The following RAB39A variants were observed in gnomAD, a reference collection of about 807,000 sequenced individuals.
RAB39A encodes the protein RAB39A, member RAS oncogene family, also known as ras-related protein Rab-39A.
Under a neutral mutation model 20.9 loss-of-function variants are expected in RAB39A, and 17 were observed. The ratio of observed to expected loss-of-function variants is 0.81; its 90% CI spans 0.56 to 1.22. RAB39A has a LOEUF of 1.22. RAB39A is among the 50% of genes most tolerant of loss of function. RAB39A has a pLI of 0.00. For synonymous variants in RAB39A, 99 were observed against 103.4 expected (o/e 0.96, Z 0.26); for missense variants, 234 against 270.5 (o/e 0.87, Z 0.95).
chr11:107,936,917 G>T (rs1861199371), intron 1 of RAB39A, among the ~76,000 whole-genome samples: 1 of 144,596 alleles, frequency 6.9e-6, no homozygotes, highest in South Asian at 2.2e-4. Flanking sequence ...CTGGGTGACA[G>T]AGCGAGACTC....
At chr11:107,953,183 T>TC (rs1469273750) in intron 1 of RAB39A, among the ~76,000 whole-genome samples, 4 of 148,264 alleles carry the variant, frequency 2.7e-5, no homozygotes, top group African/African-American at 5.0e-5. Context: ...TATGTGTGCT[T>TC]CACTGCAGTT....
At chr11:107,934,870 G>A (rs545073535) in intron 1 of RAB39A, among the ~76,000 whole-genome samples, 7 of 150,912 alleles carry the variant, frequency 4.6e-5, no homozygotes, top group African/African-American at 9.8e-5. Context: ...CGGAGGTTGC[G>A]GTGAGCCGAG....
At chr11:107,935,900 C>CTTTTTTTTTTTTTTTTTTTTT (rs561399074) in intron 1 of RAB39A, among the ~76,000 whole-genome samples, 1 of 81,610 alleles carries the variant, frequency 1.2e-5, no homozygotes, top group Non-Finnish European at 2.4e-5. Context: ...GTCCTGGCCA[C>CTTTTTTTTTTTTTTTTTTTTT]TTTTTTTTTT....
intron 1 of RAB39A, among the ~76,000 whole-genome samples, chr11:107,941,751 T>C (rs752825557): frequency 1.3e-5 from 2 of 152,274 alleles, no homozygotes; most frequent in Middle Eastern, 3.4e-3. Flanking sequence ...AGAAAGTCTA[T>C]GGGATTACGA....
At chr11:107,949,754 A>G (rs1034581982) in intron 1 of RAB39A, among the ~76,000 whole-genome samples, 5 of 152,200 alleles carry the variant, frequency 3.3e-5, no homozygotes, top group African/African-American at 4.8e-5. Context: ...AGCTAGAAAC[A>G]TTTCTCATTA....
At chr11:107,934,128 T>C (rs1861168241) in intron 1 of RAB39A, among the ~76,000 whole-genome samples, 1 of 152,156 alleles carries the variant, frequency 6.6e-6, no homozygotes, top group South Asian at 2.1e-4. Context: ...GGGGCTATTT[T>C]TAAAATATGA....
chr11:107,948,910 G>A (rs1482618634), intron 1 of RAB39A, among the ~76,000 whole-genome samples: 2 of 152,154 alleles, frequency 1.3e-5, no homozygotes, highest in Non-Finnish European at 2.9e-5. Flanking sequence ...AGTACGCTAT[G>A]ACTTTCTTTT....
chr11:107,931,459 T>C (rs1024815367), intron 1 of RAB39A, among the ~76,000 whole-genome samples: 1 of 152,236 alleles, frequency 6.6e-6, no homozygotes, highest in Non-Finnish European at 1.5e-5. Context: ...TGTAAATACA[T>C]ACGTATTTCA....
At chr11:107,950,071 T>A (rs1170739108) in intron 1 of RAB39A, among the ~76,000 whole-genome samples, 1 of 151,754 alleles carries the variant, frequency 6.6e-6, no homozygotes, top group Non-Finnish European at 1.5e-5. Flanking sequence ...TCCCAGCTAC[T>A]CGGGAGGCTG....
intron 1 of RAB39A, among the ~76,000 whole-genome samples, chr11:107,930,083 C>A (rs1326867994): frequency 6.6e-6 from 1 of 152,136 alleles, no homozygotes. Flanking sequence ...GATGCTGATT[C>A]ATAGAGATAA....
intron 1 of RAB39A, among the ~76,000 whole-genome samples, chr11:107,954,038 G>T (rs963620): frequency 0.48 from 72,361 of 152,062 alleles, 18,823 homozygotes; most frequent in East Asian, 0.72. Flanking sequence ...GTATAAGGCA[G>T]TCTGCATGTT....
At chr11:107,940,692 G>A (rs1007367746) in intron 1 of RAB39A, among the ~76,000 whole-genome samples, 2 of 152,104 alleles carry the variant, frequency 1.3e-5, no homozygotes, top group African/African-American at 4.8e-5. Flanking sequence ...GACCACCTCG[G>A]CCGGGTGTGG....
intron 1 of RAB39A, among the ~76,000 whole-genome samples, chr11:107,939,377 C>T (rs929638659): frequency 1.2e-4 from 18 of 149,826 alleles, no homozygotes; most frequent in African/African-American, 3.4e-4. Flanking sequence ...GAGGCCGAGG[C>T]GGGCAGATCA....
rs538692940 is a variant in RAB39A, at chr11:107,945,529, T to C, written c.228-16417T>C. Among the ~76,000 whole-genome samples, 9 of 152,076 alleles carry C rather than the reference T, an allele frequency of 5.9e-5. No homozygotes were observed. In the South Asian group the frequency reaches 1.9e-3, roughly 32 times the overall value. Reference sequence around the variant, plus strand: ...AGCAAATGGGGAATGGTAAATGAATTCACAGATTCAAGAAAACTGATTTCT... The same window carrying C: ...AGCAAATGGGGAATGGTAAATGAATCCACAGATTCAAGAAAACTGATTTCT... On this transcript the variant is annotated intron_variant, in intron 1 of 1. Transcript: ENST00000320578.
intron 1 of RAB39A, among the ~76,000 whole-genome samples, chr11:107,945,042 G>T (rs1013650197): frequency 6.6e-6 from 1 of 151,982 alleles, no homozygotes; most frequent in East Asian, 1.9e-4. Flanking sequence ...AATTAGCCAG[G>T]CATGGTGGCA....
chr11:107,933,787 A>G (rs938145212), intron 1 of RAB39A, among the ~76,000 whole-genome samples: 6 of 151,016 alleles, frequency 4.0e-5, no homozygotes, highest in African/African-American at 1.5e-4. Context: ...CAGCCTCCTG[A>G]GTAGCTGGGA....
chr11:107,960,912 C>T (rs531594369), intron 1 of RAB39A, among the ~76,000 whole-genome samples: 1 of 152,236 alleles, frequency 6.6e-6, no homozygotes, highest in East Asian at 1.9e-4. Context: ...TGGCTGAACC[C>T]CCCTGCAAGC....
In RAB39A at chr11:107,930,427, C is replaced by T. The variant is rs374559796; in HGVS notation, c.227+1632C>T. Among the ~76,000 whole-genome samples the T allele has an allele frequency of 4.5e-4, 68 of 152,264 alleles. 7 individuals are homozygous for T. Among genetic ancestry groups the T allele is most frequent in the Admixed American group, 2.9e-3 (44 of 15,286 alleles). ...ATCAGGCTCAGAAAAAAAGCATTTG[C>T]TGTTAGCTCTTGACCCCCCCTCTGA... is the stretch of plus-strand genomic sequence containing the variant. On this transcript the variant is annotated intron_variant, in intron 1 of 1. Coordinates refer to ENST00000320578, the MANE Select transcript of RAB39A (RefSeq NM_017516.3).
intron 1 of RAB39A, among the ~76,000 whole-genome samples, chr11:107,954,732 A>G (rs574834910): frequency 1.3e-5 from 2 of 152,330 alleles, no homozygotes; most frequent in South Asian, 4.1e-4. Context: ...TGCTGTAAGA[A>G]TAGATGTGCT....
Sources: gnomAD v4.1 joint callset for allele counts (sites outside exome capture counted in the v4.1 genomes callset) on GRCh38, gnomAD v4.1.1 for gene constraint, MANE v1.5 for transcripts, NCBI Gene and HGNC (gene_info 2026-07-23, HGNC 2026-07-21) for gene names.